Variants in CNTN6 observed in about 807,000 individuals in gnomAD.
CNTN6 encodes the protein contactin-6.
CNTN6 carries 137 observed loss-of-function variants against 122.8 expected under a neutral mutation model. The ratio of observed to expected loss-of-function variants is 1.12; its 90% CI spans 0.97 to 1.29. The LOEUF is 1.29. Among genes scored for constraint, CNTN6 ranks in the 50% most tolerant of loss-of-function variants. The pLI is 0.00. For synonymous variants in CNTN6, 570 were observed against 426.0 expected (o/e 1.34, Z -4.16); for missense variants, 1,634 against 1,223.4 (o/e 1.34, Z -5.01).
At chr3:1,221,557 GA>G (rs568370195) in intron 3 of CNTN6, among the ~76,000 whole-genome samples, 8 of 150,812 alleles carry the variant, frequency 5.3e-5, no homozygotes, top group Middle Eastern at 3.4e-3. Flanking sequence ...GGGCAAATAA[GA>G]AAAAAAAACC....
At chr3:1,249,278 A>G (rs1457689232) in intron 4 of CNTN6, among the ~76,000 whole-genome samples, 1 of 152,232 alleles carries the variant, frequency 6.6e-6, no homozygotes, top group East Asian at 1.9e-4. Context: ...TCAACTATCC[A>G]TTTATGCATC....
intron 4 of CNTN6, among the ~76,000 whole-genome samples, chr3:1,244,950 G>C (rs1471514085): frequency 1.3e-5 from 2 of 150,132 alleles, no homozygotes; most frequent in Admixed American, 1.3e-4. Flanking sequence ...GGATGGGGCA[G>C]GAACAAATCA....
intron 20 of CNTN6, among the ~76,000 whole-genome samples, chr3:1,397,444 T>C (rs1199188439): frequency 6.6e-6 from 1 of 152,128 alleles, no homozygotes; most frequent in Non-Finnish European, 1.5e-5. Flanking sequence ...ATGATGATGA[T>C]ACTAGTATTA....
intron 2 of CNTN6, among the ~76,000 whole-genome samples, chr3:1,185,438 A>G (rs1575156609): frequency 6.6e-6 from 1 of 152,326 alleles, no homozygotes; most frequent in South Asian, 2.1e-4. Flanking sequence ...AAAGGTATTA[A>G]GAACCTCCAG....
chr3:1,143,701 C>G (rs1394177), intron 1 of CNTN6, among the ~76,000 whole-genome samples: 24,577 of 152,164 alleles, frequency 0.16, 2,311 homozygotes, highest in African/African-American at 0.25. Context: ...AATGGCAACC[C>G]ATGCATAAAT....
At position 1,376,925 on chromosome 3, in the gene CNTN6, T is replaced by C. The variant is rs558730849; in HGVS notation, c.2096-80T>C. On this transcript the variant is annotated intron_variant, in intron 16 of 22. Coordinates refer to ENST00000446702, the MANE Select transcript of CNTN6 (RefSeq NM_001289080.2). ...TATGCCTGTGTGAGATTTTGAAAAG[T>C]GAAATTCAAAAACAAAATTCTTCCT... The C allele has an allele frequency of 4.3e-6, 4 of 939,672 alleles. No individual in the cohort carries two copies. In the African/African-American group the frequency reaches 4.9e-5, roughly 12 times the overall value. 58.2% of individuals were successfully genotyped at this position (939,672 alleles called of 1,614,324 possible). A position where few individuals can be genotyped will look rare whatever the true frequency, so the allele number is the denominator to read the frequency against.
chr3:1,165,446 CAG>C (rs1368226700), intron 2 of CNTN6, among the ~76,000 whole-genome samples: 1 of 152,092 alleles, frequency 6.6e-6, no homozygotes, highest in African/African-American at 2.4e-5. Flanking sequence ...GCTGCAGAAC[CAG>C]ATAGATTCTT....
intron 20 of CNTN6, among the ~76,000 whole-genome samples, chr3:1,386,959 A>C (rs935970875): frequency 2.2e-4 from 34 of 151,736 alleles, no homozygotes; most frequent in Admixed American, 4.6e-4. Flanking sequence ...ACCATCTCAG[A>C]GAATAGGCCC....
At chr3:1,140,028 A>G (rs180790541) in intron 1 of CNTN6, among the ~76,000 whole-genome samples, 4 of 152,304 alleles carry the variant, frequency 2.6e-5, no homozygotes, top group Admixed American at 2.0e-4. Context: ...TATATTAACA[A>G]TATCACCCAC....
chr3:1,308,287 T>TTCTGTG, intron 7 of CNTN6, among the ~76,000 whole-genome samples: 1 of 144,914 alleles, frequency 6.9e-6, no homozygotes, highest in East Asian at 2.1e-4. Context: ...ATGGGGTGTT[T>TTCTGTG]TGTGTGTGTG....
intron 2 of CNTN6, among the ~76,000 whole-genome samples, chr3:1,178,731 G>A (rs2093499219): frequency 6.6e-6 from 1 of 152,178 alleles, no homozygotes; most frequent in Non-Finnish European, 1.5e-5. Flanking sequence ...TAGGTCGTTA[G>A]TGTGGAAGTT....
intron 2 of CNTN6, among the ~76,000 whole-genome samples, chr3:1,167,336 G>A (rs186287259): frequency 3.6e-4 from 55 of 151,744 alleles, no homozygotes; most frequent in African/African-American, 1.0e-3. Flanking sequence ...AGATCTTTAC[G>A]GGAGGTCTTA....
intron 4 of CNTN6, among the ~76,000 whole-genome samples, chr3:1,263,542 C>G (rs900827165): frequency 1.1e-4 from 16 of 152,090 alleles, no homozygotes; most frequent in African/African-American, 3.6e-4. Flanking sequence ...CAGGTCGATC[C>G]TAGCCTCTTC....
intron 1 of CNTN6, among the ~76,000 whole-genome samples, chr3:1,144,981 C>T (rs2092694097): frequency 6.6e-6 from 1 of 152,042 alleles, no homozygotes; most frequent in South Asian, 2.1e-4. Context: ...AATTTTCTAG[C>T]CCAAGGAAGT....
chr3:1,385,762 C>T lies in CNTN6; in HGVS notation c.2669C>T (p.Ser890Leu), dbSNP rs376156480. 8 of 1,612,630 alleles carry T rather than the reference C, an allele frequency of 5.0e-6. No homozygotes were observed. Among genetic ancestry groups the T allele is most frequent in the Middle Eastern group, 3.3e-4 (2 of 6,068 alleles). ...TACAACACTGCTGGGACAGGGCCCT[C>T]AAGCCCCCCAGTCAATGTTACCACC... ...RAYNTAGTGP[S>L]SPPVNVTTKK... Residue 890 changes from serine (S) to leucine (L), a missense_variant, in exon 20 of 23, where the codon TCA becomes TTA. Coordinates refer to ENST00000446702, the MANE Select transcript of CNTN6 (RefSeq NM_001289080.2).
At chr3:1,247,095 C>A (rs540584513) in intron 4 of CNTN6, among the ~76,000 whole-genome samples, 1 of 151,992 alleles carries the variant, frequency 6.6e-6, no homozygotes, top group Non-Finnish European at 1.5e-5. Context: ...TCCTTCCTTG[C>A]GATCATATTT....
chr3:1,365,553 A>C (rs1708094855), intron 12 of CNTN6, among the ~76,000 whole-genome samples: 1 of 152,054 alleles, frequency 6.6e-6, no homozygotes, highest in Admixed American at 6.6e-5. Context: ...ATATACCAAG[A>C]TATACTTCCA....
intron 5 of CNTN6, among the ~76,000 whole-genome samples, chr3:1,286,353 C>A (rs1694333451): frequency 6.6e-6 from 1 of 152,130 alleles, no homozygotes; most frequent in Non-Finnish European, 1.5e-5. Context: ...CCTTAGCCCC[C>A]CAACCCCCAG....
intron 4 of CNTN6, among the ~76,000 whole-genome samples, chr3:1,247,216 A>G (rs566526545): frequency 6.6e-6 from 1 of 152,068 alleles, no homozygotes; most frequent in East Asian, 1.9e-4. Context: ...TCAATATACA[A>G]TTTTTTTCTA....
Sources: allele counts gnomAD v4.1 joint callset (sites outside exome capture counted in the v4.1 genomes callset), GRCh38; gene constraint gnomAD v4.1.1; transcripts MANE v1.5; gene names NCBI Gene and HGNC (gene_info 2026-07-23, HGNC 2026-07-21).